POU6F2: variants seen among roughly 807,000 people sequenced by gnomAD.
POU6F2 encodes the protein POU class 6 homeobox 2.
In POU6F2, 31 loss-of-function variants were observed where a neutral mutation model predicts 71.3. That is an observed-to-expected ratio of 0.43 (90% confidence interval 0.33 to 0.59). The LOEUF is 0.59. POU6F2 is among the 20% of genes least tolerant of loss of function. POU6F2 has a pLI of 0.04. For missense variants in POU6F2, 783 were observed against 856.8 expected (o/e 0.91, Z 1.07); for synonymous variants, 347 against 355.7 (o/e 0.98, Z 0.27).
At chr7:39,074,112 C>T (rs1179026389) in intron 1 of POU6F2, among the ~76,000 whole-genome samples, 1 of 152,160 alleles carries the variant, frequency 6.6e-6, no homozygotes, top group Non-Finnish European at 1.5e-5. Flanking sequence ...ACTTTAAGAG[C>T]CCATGACTGG....
chr7:39,207,354 C>A, intron 3 of POU6F2, 38 bp from the exon 4 acceptor site: 1 of 1,588,954 alleles, frequency 6.3e-7, no homozygotes. Flanking sequence ...GCCTTGGTTC[C>A]ACAGGAAAGT....
chr7:39,452,441 T>C (rs868492918), intron 8 of POU6F2, among the ~76,000 whole-genome samples: 37 of 152,220 alleles, frequency 2.4e-4, no homozygotes, highest in Admixed American at 4.6e-4. Flanking sequence ...TTTTTACTTA[T>C]ATATAAAACT....
At chr7:39,338,135 G>A (rs999143882) in intron 4 of POU6F2, among the ~76,000 whole-genome samples, 4 of 152,174 alleles carry the variant, frequency 2.6e-5, no homozygotes, top group African/African-American at 4.8e-5. Context: ...TCAGGCAGGA[G>A]GCCAGATGCA....
chr7:39,368,691 C>T (rs1320431657), intron 5 of POU6F2, among the ~76,000 whole-genome samples: 1 of 152,206 alleles, frequency 6.6e-6, no homozygotes, highest in Non-Finnish European at 1.5e-5. Flanking sequence ...CTATTAGGGG[C>T]TAATGAAGCT....
intron 4 of POU6F2, among the ~76,000 whole-genome samples, chr7:39,258,394 T>C (rs1356390306): frequency 6.6e-6 from 1 of 152,176 alleles, no homozygotes; most frequent in African/African-American, 2.4e-5. Context: ...ATCCAGACAT[T>C]TTCACATACT....
chr7:39,412,778 C>CTTTTTTT lies in POU6F2; in HGVS notation c.1113+6073_1113+6079dup. On this transcript the variant is annotated intron_variant, in intron 6 of 9. Coordinates refer to ENST00000518318, the MANE Select transcript of POU6F2 (RefSeq NM_001370959.1). ...TCCGTATTAGCTTCAGTTTTCTTGC[C>CTTTTTTT]TTTTTTTTTTTTTTTTTTTTTTTTT... 4.1e-3 allele frequency among the ~76,000 whole-genome samples: 94 copies of CTTTTTTT among 23,192 alleles called. 41 individuals are homozygous for CTTTTTTT. The highest frequency in any genetic ancestry group is 0.048 in the Middle Eastern group (2 of 42). 15.2% of individuals were successfully genotyped at this position (23,192 alleles called of 152,430 possible).
intron 2 of POU6F2, among the ~76,000 whole-genome samples, chr7:39,096,227 A>G (rs764186697): frequency 6.6e-6 from 1 of 152,180 alleles, no homozygotes; most frequent in Non-Finnish European, 1.5e-5. Context: ...GTGGCATGTA[A>G]AGTAAATTGT....
chr7:39,002,804 A>G (rs1341984471), intron 1 of POU6F2, among the ~76,000 whole-genome samples: 8 of 152,232 alleles, frequency 5.3e-5, no homozygotes, highest in Non-Finnish European at 1.0e-4. Flanking sequence ...TCTGATGCAT[A>G]TCTTCTTCCC....
chr7:39,154,428 C>T (rs893960674), intron 2 of POU6F2, among the ~76,000 whole-genome samples: 4 of 152,186 alleles, frequency 2.6e-5, no homozygotes, highest in Non-Finnish European at 5.9e-5. Context: ...TAGTTACTAG[C>T]ACAGCAAGTG....
intron 1 of POU6F2, among the ~76,000 whole-genome samples, chr7:39,037,228 G>C (rs117681135): frequency 6.6e-6 from 1 of 152,114 alleles, no homozygotes; most frequent in East Asian, 1.9e-4. Flanking sequence ...ATCCCTGAAT[G>C]TGCCACCCTG....
intron 2 of POU6F2, among the ~76,000 whole-genome samples, chr7:39,185,899 GTATATA>G (rs1205983583): frequency 6.9e-6 from 1 of 145,072 alleles, no homozygotes; most frequent in African/African-American, 2.5e-5. Flanking sequence ...ATATGTATAT[GTATATA>G]TATGTATATG....
intron 8 of POU6F2, among the ~76,000 whole-genome samples, chr7:39,459,463 GTT>G (rs1223617744): frequency 1.2e-5 from 1 of 82,336 alleles, no homozygotes; most frequent in African/African-American, 4.6e-5. Flanking sequence ...GTTTTGTTTT[GTT>G]TTGTTTTGTT....
intron 1 of POU6F2, among the ~76,000 whole-genome samples, chr7:38,997,356 A>G (rs947954070): frequency 1.3e-5 from 2 of 152,152 alleles, no homozygotes; most frequent in African/African-American, 2.4e-5. Flanking sequence ...TTTCTCAAAC[A>G]TCTGCAGTTT....
At chr7:39,286,278 G>A (rs1016657536) in intron 4 of POU6F2, among the ~76,000 whole-genome samples, 8 of 152,174 alleles carry the variant, frequency 5.3e-5, no homozygotes, top group African/African-American at 1.7e-4. Flanking sequence ...GATCACAAAA[G>A]TATTTCTGTA....
chr7:39,305,836 A>G (rs1261126101), intron 4 of POU6F2, among the ~76,000 whole-genome samples: 2 of 152,226 alleles, frequency 1.3e-5, no homozygotes, highest in East Asian at 1.9e-4. Context: ...ATTGTCATGT[A>G]TGTGATTTCC....
At chr7:39,200,926 C>CTGAA (rs1793886362) in intron 2 of POU6F2, among the ~76,000 whole-genome samples, 1 of 151,666 alleles carries the variant, frequency 6.6e-6, no homozygotes, top group African/African-American at 2.4e-5. Flanking sequence ...ACTCAGAAGG[C>CTGAA]TGAAGCAGGA....
intron 4 of POU6F2, among the ~76,000 whole-genome samples, chr7:39,307,858 G>C (rs1053592737): frequency 2.0e-5 from 3 of 152,018 alleles, no homozygotes; most frequent in African/African-American, 7.3e-5. Context: ...GAGAGGCTGA[G>C]GCAGGAGAAT....
intron 5 of POU6F2, among the ~76,000 whole-genome samples, chr7:39,341,416 A>G (rs546485820): frequency 6.6e-6 from 1 of 152,318 alleles, no homozygotes; most frequent in South Asian, 2.1e-4. Context: ...ACCTAGGACT[A>G]AAATGAACAT....
rs148051399 is a variant in POU6F2 at position 39,407,303 on chromosome 7, A to G, written c.1113+563A>G. ...CCCCATGGTCCCTGGCCTCCTGCCA[A>G]TTCCTACGGAAGCCAGGCAACCTCT... is the stretch of plus-strand genomic sequence containing the variant. On this transcript the variant is annotated intron_variant, in intron 6 of 9. Coordinates refer to ENST00000518318, the MANE Select transcript of POU6F2 (RefSeq NM_001370959.1). Among the ~76,000 whole-genome samples the G allele has an allele frequency of 2.4e-3, 360 of 152,004 alleles. 1 individual carries two copies. Among genetic ancestry groups the G allele is most frequent in the African/African-American group, 8.2e-3 (340 of 41,442 alleles).
Sources: allele counts gnomAD v4.1 joint callset (sites outside exome capture counted in the v4.1 genomes callset), GRCh38; gene constraint gnomAD v4.1.1; transcripts MANE v1.5; gene names NCBI Gene and HGNC (gene_info 2026-07-23, HGNC 2026-07-21).